Variants in TUSC3 observed in about 807,000 individuals in gnomAD.
TUSC3 encodes the protein tumor suppressor candidate 3, also known as dolichyl-diphosphooligosaccharide--protein glycosyltransferase subunit TUSC3.
TUSC3 carries 45 observed loss-of-function variants against 44.8 expected under a neutral mutation model. The observed-to-expected ratio is 1.00, with a 90% CI of 0.79 to 1.29. The LOEUF (loss-of-function observed/expected upper bound fraction) is 1.29, where lower values mean the gene tolerates loss of function less well. Ranked by LOEUF, TUSC3 falls within the 50% of genes most tolerant of loss-of-function variation. The probability of loss-of-function intolerance (pLI) is 0.00; values close to 1 mark genes in which losing one functional copy is unlikely to be tolerated. For missense variants in TUSC3, 519 were observed against 437.9 expected, an observed-to-expected ratio of 1.19 and a Z score of -1.65; for synonymous variants, 212 against 152.9, an observed-to-expected ratio of 1.39 and a Z score of -2.85.
intron 1 of TUSC3, among the ~76,000 whole-genome samples, chr8:15,473,694 A>G (rs1389911584): frequency 6.6e-6 from 1 of 152,164 alleles, no homozygotes; most frequent in Admixed American, 6.5e-5. Flanking sequence ...AGGACTTCAA[A>G]ATGGGAGGGG....
chr8:15,483,956 CTG>C (rs1800701469), intron 2 of TUSC3, among the ~76,000 whole-genome samples: 1 of 152,074 alleles, frequency 6.6e-6, no homozygotes, highest in African/African-American at 2.4e-5. Context: ...CGCGCCTGGC[CTG>C]TGATTTTTAA....
the TUSC3 span, among the ~76,000 whole-genome samples, chr8:15,832,805 G>C: frequency 6.6e-6 from 1 of 152,102 alleles, no homozygotes; most frequent in East Asian, 1.9e-4. Context: ...GACCTTTAAA[G>C]AGACTTTTAC....
intron 1 of TUSC3, among the ~76,000 whole-genome samples, chr8:15,584,407 G>T (rs2129148065): frequency 1.3e-5 from 2 of 152,198 alleles, no homozygotes; most frequent in Middle Eastern, 3.4e-3. Flanking sequence ...TGATTAATTT[G>T]GTCATTGATC....
Position 15,575,417 on chromosome 8 carries a change from A to C in TUSC3, c.138+34849A>C, listed in dbSNP as rs114972504. The stretch of plus-strand genomic sequence containing the variant: ...AAATATTAAACTAAATATCTAACAT[A>C]TGTGTGTACATTCATTGCTTCATTG... On this transcript the variant is annotated intron_variant, in intron 1 of 10. Coordinates refer to ENST00000503731, the MANE Select transcript of TUSC3 (RefSeq NM_006765.4). Among the ~76,000 whole-genome samples the C allele has an allele frequency of 3.3e-4, 50 of 151,916 alleles. No individual in the cohort carries two copies. In the East Asian group the frequency reaches 9.7e-3, roughly 29 times the overall value.
chr8:15,609,513 C>A (rs148724399), intron 1 of TUSC3, among the ~76,000 whole-genome samples: 2 of 151,756 alleles, frequency 1.3e-5, no homozygotes, highest in Non-Finnish European at 2.9e-5. Flanking sequence ...AATGAATGTC[C>A]AACAGAAGGA....
chr8:15,668,074 C>T (rs1807755035), intron 5 of TUSC3, among the ~76,000 whole-genome samples: 1 of 151,708 alleles, frequency 6.6e-6, no homozygotes, highest in African/African-American at 2.4e-5. Flanking sequence ...TATATAAATG[C>T]TGAAAGTAAG....
the TUSC3 span, among the ~76,000 whole-genome samples, chr8:15,805,175 A>C: frequency 6.6e-6 from 1 of 152,086 alleles, no homozygotes; most frequent in Admixed American, 6.6e-5. Flanking sequence ...TTTCGTACAA[A>C]GATTTTGTAT....
downstream of TUSC3, among the ~76,000 whole-genome samples, chr8:15,769,790 T>C (rs375794819): frequency 4.1e-3 from 628 of 152,228 alleles, 4 homozygotes; most frequent in African/African-American, 0.015. Flanking sequence ...AAAGAAGACA[T>C]TTATGTGGCC....
intron 1 of TUSC3, among the ~76,000 whole-genome samples, chr8:15,456,978 A>G (rs1189844002): frequency 1.3e-5 from 2 of 152,190 alleles, no homozygotes; most frequent in African/African-American, 2.4e-5. Flanking sequence ...AAGTGTACAG[A>G]AGATACTCAT....
chr8:15,757,768 T>C, intron 9 of TUSC3, 23 bp from the exon 10 acceptor site: 3 of 1,478,416 alleles, frequency 2.0e-6, no homozygotes, highest in Non-Finnish European at 2.8e-6. Flanking sequence ...TATTGTTGTA[T>C]TTCATTGTGG....
chr8:15,806,669 G>C, the TUSC3 span: 1 of 1,049,020 alleles, frequency 9.5e-7, no homozygotes. Flanking sequence ...CTGCCCAGTA[G>C]GACCTTTCCC....
intron 1 of TUSC3, among the ~76,000 whole-genome samples, chr8:15,448,556 T>C (rs1038225181): frequency 1.2e-4 from 18 of 152,180 alleles, no homozygotes; most frequent in African/African-American, 4.3e-4. Flanking sequence ...GTAGAGCAGA[T>C]GTAAAAAGTG....
intron 3 of TUSC3, among the ~76,000 whole-genome samples, chr8:15,654,841 A>G (rs1321970112): frequency 6.6e-6 from 1 of 152,152 alleles, no homozygotes; most frequent in Non-Finnish European, 1.5e-5. Flanking sequence ...AAATGGAGAT[A>G]GAGTTCAGAA....
chr8:15,622,357 C>T (rs971823644), intron 1 of TUSC3, among the ~76,000 whole-genome samples: 1 of 151,586 alleles, frequency 6.6e-6, no homozygotes, highest in African/African-American at 2.4e-5. Context: ...ATCTTGAACT[C>T]CTTGGGCTCA....
intron 2 of TUSC3, among the ~76,000 whole-genome samples, chr8:15,484,445 C>A (rs1199115101): frequency 6.6e-6 from 1 of 152,158 alleles, no homozygotes; most frequent in Non-Finnish European, 1.5e-5. Flanking sequence ...CTTTTGTTTT[C>A]TTTACATGTG....
chr8:15,739,709 A>T (rs1437962030), intron 7 of TUSC3, among the ~76,000 whole-genome samples: 1 of 152,208 alleles, frequency 6.6e-6, no homozygotes, highest in Non-Finnish European at 1.5e-5. Context: ...TCTGTGCTTT[A>T]TGAAGAAGAT....
rs571068060 is a variant in TUSC3 at position 15,587,462 on chromosome 8, T to C, written c.139-35618T>C. 2.6e-5 allele frequency among the ~76,000 whole-genome samples: 4 copies of C among 152,294 alleles called. No homozygotes were observed. In the East Asian group the frequency reaches 7.7e-4, roughly 29 times the overall value. Reference sequence around the variant, plus strand: ...AGTTGACATGTAATAACTGTATATATTTATGGAGTACGGAGTGATATTTCC... The same window carrying C: ...AGTTGACATGTAATAACTGTATATACTTATGGAGTACGGAGTGATATTTCC... On this transcript the variant is annotated intron_variant, in intron 1 of 10. Coordinates refer to ENST00000503731, the MANE Select transcript of TUSC3 (RefSeq NM_006765.4).
chr8:15,584,547 A>G (rs977590175), intron 1 of TUSC3, among the ~76,000 whole-genome samples: 2 of 152,240 alleles, frequency 1.3e-5, no homozygotes, highest in Non-Finnish European at 2.9e-5. Context: ...GTGCTATGAT[A>G]GAGCCACTTT....
At chr8:15,511,417 T>C (rs1013620286) in intron 2 of TUSC3, among the ~76,000 whole-genome samples, 1 of 152,318 alleles carries the variant, frequency 6.6e-6, no homozygotes, top group East Asian at 1.9e-4. Flanking sequence ...ACTAGAAATA[T>C]GTGAATTTAG....
Sources: allele counts gnomAD v4.1 joint callset (sites outside exome capture counted in the v4.1 genomes callset), GRCh38; gene constraint gnomAD v4.1.1; transcripts MANE v1.5; gene names NCBI Gene and HGNC (gene_info 2026-07-23, HGNC 2026-07-21).